The following UVRAG variants were observed in gnomAD, a reference collection of about 807,000 sequenced individuals.
UVRAG encodes the protein UV radiation resistance associated.
UVRAG carries 19 observed loss-of-function variants against 78.0 expected under a neutral mutation model. The observed-to-expected ratio is 0.24, with a 90% confidence interval of 0.17 to 0.36. UVRAG has a LOEUF of 0.36. Ranked by LOEUF, UVRAG falls within the 10% of genes least tolerant of loss-of-function variation. The pLI is 1.00. For synonymous variants in UVRAG, 323 were observed against 324.6 expected, an observed-to-expected ratio of 1.00 and a Z score of 0.05; for missense variants, 740 against 853.8, an observed-to-expected ratio of 0.87 and a Z score of 1.66.
chr11:75,917,570 A>G (rs769368522), intron 6 of UVRAG, among the ~76,000 whole-genome samples: 1 of 151,898 alleles, frequency 6.6e-6, no homozygotes, highest in Non-Finnish European at 1.5e-5. Context: ...CTCTAGCTCT[A>G]CCTCTCTTTT....
chr11:75,850,599 G>A (rs1261723510), intron 1 of UVRAG, among the ~76,000 whole-genome samples: 2 of 152,214 alleles, frequency 1.3e-5, no homozygotes, highest in East Asian at 3.8e-4. Context: ...GAACAGAGGA[G>A]CAGGATTGTA....
Position 76,109,416 on chromosome 11 carries a change from A to G in UVRAG, c.1306-6508A>G, listed in dbSNP as rs144097983. 1.1e-3 allele frequency among the ~76,000 whole-genome samples: 161 copies of G among 152,380 alleles called. 1 individual carries two copies. The highest frequency in any genetic ancestry group is 3.7e-3 in the African/African-American group (153 of 41,600). ...TTAGCACTCTTAGCCCTCAGCAGTT[A>G]TAATGACTACCCTGTAAAAGTCAGG... On this transcript the variant is annotated intron_variant, in intron 13 of 14. Transcript: ENST00000356136.
intron 13 of UVRAG, among the ~76,000 whole-genome samples, chr11:76,066,676 G>T (rs1951193694): frequency 6.6e-6 from 1 of 152,142 alleles, no homozygotes; most frequent in Non-Finnish European, 1.5e-5. Flanking sequence ...GTTTCACCGT[G>T]TTAGGCAGAT....
intron 13 of UVRAG, among the ~76,000 whole-genome samples, chr11:76,066,007 T>C (rs1034522253): frequency 6.6e-6 from 1 of 152,230 alleles, no homozygotes; most frequent in Non-Finnish European, 1.5e-5. Context: ...CTCTTGCTAC[T>C]TGCTAAACTC....
intron 12 of UVRAG, among the ~76,000 whole-genome samples, chr11:76,024,939 T>C (rs972798411): frequency 1.3e-5 from 2 of 152,160 alleles, no homozygotes; most frequent in African/African-American, 2.4e-5. Context: ...ATTAATGTAA[T>C]GGCCCTAGGA....
intron 6 of UVRAG, among the ~76,000 whole-genome samples, chr11:75,929,710 AG>A (rs1444531458): frequency 6.6e-6 from 1 of 152,110 alleles, no homozygotes; most frequent in Admixed American, 6.5e-5. Context: ...CAGGGACTCT[AG>A]TTTATCTTGC....
At chr11:76,009,326 C>T (rs903867973) in intron 11 of UVRAG, among the ~76,000 whole-genome samples, 2 of 152,112 alleles carry the variant, frequency 1.3e-5, no homozygotes, top group Non-Finnish European at 2.9e-5. Flanking sequence ...GTTATACTAT[C>T]ATTTCTGTTA....
At position 75,911,994 on chromosome 11, in the gene UVRAG, A is replaced by G. The variant is rs768506456; in HGVS notation, c.548A>G (p.Asp183Gly). The G allele has an allele frequency of 6.2e-7, 1 of 1,613,636 alleles. No individual in the cohort carries two copies. The change falls in exon 6 of 15, where the codon GAT becomes GGT. Residue 183 changes from aspartate (D) to glycine (G), a missense_variant. Coordinates refer to ENST00000356136, the MANE Select transcript of UVRAG (RefSeq NM_003369.4). ...CAGAAGACTATTCTTCTGCAGGTGG[A>G]TCAGAACTGTGTTCGCAATTCTTAC... ...NAQKTILLQV[D>G]QNCVRNSYDV... is the part of the protein sequence containing the mutation.
chr11:76,036,125 T>C, intron 12 of UVRAG, among the ~76,000 whole-genome samples: 1 of 152,216 alleles, frequency 6.6e-6, no homozygotes, highest in East Asian at 1.9e-4. Flanking sequence ...GCTCAGAATA[T>C]CTATTTAATG....
intron 9 of UVRAG, among the ~76,000 whole-genome samples, chr11:76,005,177 A>T (rs1949907312): frequency 6.6e-6 from 1 of 152,128 alleles, no homozygotes; most frequent in Admixed American, 6.5e-5. Context: ...CCCTGTCTCT[A>T]CTAAAAATAC....
intron 14 of UVRAG, among the ~76,000 whole-genome samples, chr11:76,127,451 C>T (rs977617902): frequency 1.3e-5 from 2 of 151,578 alleles, no homozygotes; most frequent in Admixed American, 6.6e-5. Context: ...GTCAGGAGTT[C>T]GAGACCAGCT....
intron 12 of UVRAG, among the ~76,000 whole-genome samples, chr11:76,062,361 A>G (rs898236246): frequency 9.2e-5 from 14 of 152,182 alleles, no homozygotes; most frequent in African/African-American, 1.4e-4. Flanking sequence ...ATACATGTGC[A>G]TTGTTTGTGT....
chr11:75,961,672 A>G, intron 7 of UVRAG, 123 bp downstream of exon 7: 3 of 645,936 alleles, frequency 4.6e-6, no homozygotes, highest in Middle Eastern at 4.4e-4. Context: ...GTCCACAGAG[A>G]GTTCTATTGG....
intron 2 of UVRAG, among the ~76,000 whole-genome samples, chr11:75,855,006 G>A (rs1374426428): frequency 6.6e-6 from 1 of 152,094 alleles, no homozygotes; most frequent in African/African-American, 2.4e-5. Flanking sequence ...ATTAACACCA[G>A]TACTTAGCGC....
At chr11:76,117,160 C>T (rs972261255) in intron 14 of UVRAG, among the ~76,000 whole-genome samples, 11 of 152,188 alleles carry the variant, frequency 7.2e-5, no homozygotes, top group Admixed American at 7.2e-4. Context: ...GATGAGAAAG[C>T]TCAAGCCCTG....
intron 8 of UVRAG, among the ~76,000 whole-genome samples, chr11:75,988,196 C>T (rs1949538258): frequency 6.6e-6 from 1 of 152,074 alleles, no homozygotes; most frequent in African/African-American, 2.4e-5. Flanking sequence ...CTAATGTATT[C>T]AGGCAGGTAG....
At chr11:76,127,163 T>TTTTATAC (rs770608986) in intron 14 of UVRAG, among the ~76,000 whole-genome samples, 29 of 152,224 alleles carry the variant, frequency 1.9e-4, no homozygotes, top group Non-Finnish European at 3.7e-4. Context: ...TACATCTCTT[T>TTTTATAC]ATTTCCAGAG....
At chr11:75,924,274 GAT>G (rs1425468534) in intron 6 of UVRAG, among the ~76,000 whole-genome samples, 2 of 151,928 alleles carry the variant, frequency 1.3e-5, no homozygotes, top group African/African-American at 4.8e-5. Flanking sequence ...ACTAACCTTG[GAT>G]ATGTTTTGCC....
At position 75,849,493 on chromosome 11, in the gene UVRAG, C is replaced by CA. The variant is rs59733905; in HGVS notation, c.118-2375dup. ...TGGGCGACAGAGCGAGACTCCATCT[C>CA]AAAAAAAAAAAAAAATTAATGATAA... On this transcript the variant is annotated intron_variant, in intron 1 of 14. Transcript: ENST00000356136. Among the ~76,000 whole-genome samples the CA allele has an allele frequency of 3.8e-3, 426 of 112,012 alleles. 1 individual carries two copies. The highest frequency in any genetic ancestry group is 5.1e-3 in the East Asian group (20 of 3,918). 73.5% of individuals were successfully genotyped at this position (112,012 alleles called of 152,430 possible).
Sources: allele counts gnomAD v4.1 joint callset (sites outside exome capture counted in the v4.1 genomes callset), GRCh38; gene constraint gnomAD v4.1.1; transcripts MANE v1.5; gene names NCBI Gene and HGNC (gene_info 2026-07-23, HGNC 2026-07-21).